SPIDR: variants seen among roughly 807,000 people sequenced by gnomAD.
SPIDR encodes the protein scaffold protein involved in DNA repair, also known as DNA repair-scaffolding protein.
A neutral mutation model predicts 104.6 loss-of-function variants in SPIDR; 93 were observed. That is an observed-to-expected ratio of 0.89 (90% confidence interval 0.75 to 1.06). The LOEUF (loss-of-function observed/expected upper bound fraction) is 1.06. Among genes scored for constraint, SPIDR ranks in the 50% least tolerant of loss-of-function variants. The pLI is 0.00. For missense variants in SPIDR, 1,154 were observed against 1,111.2 expected (o/e 1.04, Z -0.55); for synonymous variants, 431 against 416.9 (o/e 1.03, Z -0.41).
intron 8 of SPIDR, among the ~76,000 whole-genome samples, chr8:47,521,115 A>G (rs1157013557): frequency 1.1e-4 from 17 of 152,216 alleles, no homozygotes; most frequent in Admixed American, 1.1e-3. Flanking sequence ...GAATGGGGTG[A>G]TACGTCACAA....
chr8:47,444,428 G>T (rs2070128927), intron 8 of SPIDR, among the ~76,000 whole-genome samples: 1 of 152,194 alleles, frequency 6.6e-6, no homozygotes, highest in African/African-American at 2.4e-5. Context: ...CTTCTCCTCA[G>T]AATACACATC....
rs587692659 is a variant in SPIDR, at chr8:47,314,719, T to G, written c.525+20689T>G. On this transcript the variant is annotated intron_variant, in intron 5 of 19. Coordinates refer to ENST00000297423, the MANE Select transcript of SPIDR (RefSeq NM_001080394.4). ...GGGAACTACAATTCAAGATGAGATTTGGGTGGAGACACAGCCAAACCATAT... is the reference window on the plus strand; with the variant it reads ...GGGAACTACAATTCAAGATGAGATTGGGGTGGAGACACAGCCAAACCATAT... 1.9e-4 allele frequency among the ~76,000 whole-genome samples: 29 copies of G among 152,320 alleles called. 2 individuals are homozygous for G. The South Asian group carries it at 5.8e-3, about 31-fold the overall frequency.
chr8:47,268,162 T>C (rs1314816881), intron 1 of SPIDR, among the ~76,000 whole-genome samples: 3 of 152,334 alleles, frequency 2.0e-5, no homozygotes. Flanking sequence ...AAAGTAAAGG[T>C]TTGTTTCTGG....
intron 5 of SPIDR, among the ~76,000 whole-genome samples, chr8:47,309,684 G>C (rs2043761825): frequency 6.6e-6 from 1 of 152,072 alleles, no homozygotes; most frequent in African/African-American, 2.4e-5. Flanking sequence ...TCTGATATAA[G>C]AAGGACTATA....
intron 5 of SPIDR, among the ~76,000 whole-genome samples, chr8:47,307,391 G>A (rs1426173582): frequency 6.6e-6 from 1 of 151,146 alleles, no homozygotes; most frequent in Non-Finnish European, 1.5e-5. Flanking sequence ...GCTCATTTTT[G>A]TATGTTTAGT....
intron 7 of SPIDR, among the ~76,000 whole-genome samples, chr8:47,428,742 C>T (rs1554686930): frequency 6.6e-6 from 1 of 152,166 alleles, no homozygotes; most frequent in Non-Finnish European, 1.5e-5. Flanking sequence ...GCTATGTTGT[C>T]TTCTCCCTCC....
chr8:47,576,085 C>T (rs933927752), intron 8 of SPIDR, among the ~76,000 whole-genome samples: 4 of 150,206 alleles, frequency 2.7e-5, no homozygotes, highest in African/African-American at 7.4e-5. Context: ...TATTATAAAT[C>T]GAATATCTTT....
intron 16 of SPIDR, among the ~76,000 whole-genome samples, chr8:47,715,222 G>A (rs1221323765): frequency 1.3e-5 from 2 of 152,054 alleles, no homozygotes; most frequent in African/African-American, 4.8e-5. Context: ...TGTCACCCAG[G>A]CTGGAGTGCA....
intron 17 of SPIDR, among the ~76,000 whole-genome samples, chr8:47,727,694 C>T (rs1170713289): frequency 6.6e-6 from 1 of 152,228 alleles, no homozygotes; most frequent in Admixed American, 6.5e-5. Context: ...CCTGCCCACC[C>T]CACTATGCTG....
chr8:47,299,681 A>T (rs1217916596), intron 5 of SPIDR, among the ~76,000 whole-genome samples: 1 of 152,306 alleles, frequency 6.6e-6, no homozygotes, highest in South Asian at 2.1e-4. Flanking sequence ...ATTTTGTCAA[A>T]GGCCTTTTCT....
At chr8:47,519,249 A>G (rs1389783315) in intron 8 of SPIDR, among the ~76,000 whole-genome samples, 2 of 152,020 alleles carry the variant, frequency 1.3e-5, no homozygotes, top group Admixed American at 6.6e-5. Context: ...GGTTCAAGCA[A>G]TTCTCCTGCA....
At chr8:47,723,516 G>A (rs1200048109) in intron 16 of SPIDR, among the ~76,000 whole-genome samples, 1 of 145,676 alleles carries the variant, frequency 6.9e-6, no homozygotes, top group Admixed American at 7.1e-5. Context: ...TGCAAGCTCC[G>A]CCTCCCGGGT....
intron 10 of SPIDR, among the ~76,000 whole-genome samples, chr8:47,662,282 G>A (rs889404012): frequency 3.3e-5 from 5 of 152,202 alleles, no homozygotes; most frequent in African/African-American, 1.2e-4. Context: ...ACAAGCCCAT[G>A]CCTCATCCTG....
At chr8:47,307,794 C>G (rs1404770011) in intron 5 of SPIDR, among the ~76,000 whole-genome samples, 1 of 151,994 alleles carries the variant, frequency 6.6e-6, no homozygotes, top group African/African-American at 2.4e-5. Context: ...CCGCCTTGGC[C>G]TTCCATAGTG....
intron 5 of SPIDR, among the ~76,000 whole-genome samples, chr8:47,303,792 A>G (rs1374036317): frequency 3.3e-5 from 5 of 152,134 alleles, no homozygotes; most frequent in Non-Finnish European, 5.9e-5. Flanking sequence ...CTTGTTCATC[A>G]AAGATGACAT....
At chr8:47,730,383 G>A (rs2085008107) in intron 19 of SPIDR, among the ~76,000 whole-genome samples, 2 of 152,200 alleles carry the variant, frequency 1.3e-5, no homozygotes, top group Non-Finnish European at 2.9e-5. Flanking sequence ...GCCACAGAAG[G>A]GGACCAGCCA....
At chr8:47,325,516 G>A (rs1268488549) in intron 5 of SPIDR, among the ~76,000 whole-genome samples, 1 of 152,032 alleles carries the variant, frequency 6.6e-6, no homozygotes, top group Non-Finnish European at 1.5e-5. Flanking sequence ...TTTTTTAAAT[G>A]CCAGAAAATT....
chr8:47,536,333 C>T (rs980663561), intron 8 of SPIDR, among the ~76,000 whole-genome samples: 7 of 151,874 alleles, frequency 4.6e-5, no homozygotes, highest in South Asian at 2.1e-4. Context: ...CTACAATAGC[C>T]GACTCAATAC....
chr8:47,440,768 G>A (rs1206230014), intron 8 of SPIDR, among the ~76,000 whole-genome samples: 1 of 152,174 alleles, frequency 6.6e-6, no homozygotes, highest in Non-Finnish European at 1.5e-5. Context: ...GAGGGTTGAG[G>A]AAACAACCAT....
Sources: gnomAD v4.1 joint callset for allele counts (sites outside exome capture counted in the v4.1 genomes callset) on GRCh38, gnomAD v4.1.1 for gene constraint, MANE v1.5 for transcripts, NCBI Gene and HGNC (gene_info 2026-07-23, HGNC 2026-07-21) for gene names.